Variants in SNRPN observed in about 807,000 individuals in gnomAD.
SNRPN encodes small nuclear ribonucleoprotein-associated protein N.
SNRPN carries 7 observed loss-of-function variants against 25.2 expected under a neutral mutation model. That is an observed-to-expected ratio of 0.28 (90% CI 0.16 to 0.52). The LOEUF is 0.52. SNRPN is among the 20% of genes least tolerant of loss of function. The pLI is 0.96. For missense variants in SNRPN, 196 were observed against 322.5 expected, an observed-to-expected ratio of 0.61 and a Z score of 3.00; for synonymous variants, 124 against 110.6, an observed-to-expected ratio of 1.12 and a Z score of -0.76.
At chr15:24,830,853 A>T (rs1183146395) in intron 2 of SNRPN, among the ~76,000 whole-genome samples, 2 of 152,048 alleles carry the variant, frequency 1.3e-5, no homozygotes, top group Non-Finnish European at 2.9e-5. Flanking sequence ...AATGTGGTGC[A>T]TCTCGATGAG....
upstream of SNRPN, among the ~76,000 whole-genome samples, chr15:24,855,225 G>A (rs1234322531): frequency 1.3e-5 from 2 of 152,144 alleles, no homozygotes; most frequent in Middle Eastern, 6.3e-3. Context: ...TACTATTTAT[G>A]TCAGTATCAG....
intron 2 of SNRPN, among the ~76,000 whole-genome samples, chr15:24,918,863 A>T (rs59172466): frequency 8.0e-6 from 1 of 124,610 alleles, no homozygotes; most frequent in Non-Finnish European, 1.6e-5. Flanking sequence ...ATATATAACA[A>T]TATATATATG....
chr15:24,886,422 A>T (rs1041725104), intron 1 of SNRPN: 1 of 152,198 alleles, frequency 6.6e-6, no homozygotes, highest in Non-Finnish European at 1.5e-5. Flanking sequence ...AGGCCCCATT[A>T]CGGCGGTCCC....
chr15:24,942,652 ATCT>A (rs2061624914), intron 3 of SNRPN, among the ~76,000 whole-genome samples: 1 of 152,246 alleles, frequency 6.6e-6, no homozygotes, highest in East Asian at 1.9e-4. Context: ...CAGAGTAAGC[ATCT>A]GTTCTAGTCA....
chr15:24,953,126 C>G (rs997675375), upstream of SNRPN, among the ~76,000 whole-genome samples: 1 of 152,014 alleles, frequency 6.6e-6, no homozygotes, highest in Non-Finnish European at 1.5e-5. Context: ...AAACAGAATC[C>G]CTTCTTTTGT....
chr15:24,864,598 C>T (rs1362370005), intron 1 of SNRPN, among the ~76,000 whole-genome samples: 1 of 151,986 alleles, frequency 6.6e-6, no homozygotes, highest in Non-Finnish European at 1.5e-5. Flanking sequence ...CCCACCTCAG[C>T]CTCCCAAAGT....
chr15:24,952,254 G>A (rs1181324645), upstream of SNRPN, among the ~76,000 whole-genome samples: 4 of 151,972 alleles, frequency 2.6e-5, no homozygotes, highest in African/African-American at 4.8e-5. Context: ...ATGATGCAAG[G>A]GTTCTGATTA....
At chr15:24,837,551 G>A (rs374780523) in intron 2 of SNRPN, among the ~76,000 whole-genome samples, 50 of 151,428 alleles carry the variant, frequency 3.3e-4, no homozygotes, top group Middle Eastern at 6.8e-3. Context: ...TTGTATTTTT[G>A]GTAGAGACGG....
intron 1 of SNRPN, among the ~76,000 whole-genome samples, chr15:24,827,036 A>G (rs2050139164): frequency 6.6e-6 from 1 of 152,086 alleles, no homozygotes; most frequent in Non-Finnish European, 1.5e-5. Flanking sequence ...ACACACACAT[A>G]CATATATATA....
intron 2 of SNRPN, among the ~76,000 whole-genome samples, chr15:24,899,525 CA>C (rs1373034577): frequency 6.6e-6 from 1 of 152,214 alleles, no homozygotes; most frequent in Non-Finnish European, 1.5e-5. Flanking sequence ...TGCCTTTCTC[CA>C]GCACTATATT....
chr15:24,961,049 ACTTT>A (rs1213135997), intron 1 of SNRPN, among the ~76,000 whole-genome samples: 8 of 151,884 alleles, frequency 5.3e-5, no homozygotes, highest in Non-Finnish European at 8.8e-5. Flanking sequence ...TTATCCTTTC[ACTTT>A]CTTTAGTGTT....
intron 2 of SNRPN, among the ~76,000 whole-genome samples, chr15:24,888,593 T>C (rs12437662): frequency 0.25 from 37,867 of 152,120 alleles, 5,158 homozygotes; most frequent in East Asian, 0.44. Context: ...AAATAGGACC[T>C]TATTTTCCTA....
chr15:24,896,594 G>C (rs555500048), intron 2 of SNRPN, among the ~76,000 whole-genome samples: 1 of 151,982 alleles, frequency 6.6e-6, no homozygotes, highest in Non-Finnish European at 1.5e-5. Flanking sequence ...GGCGCCTGTA[G>C]TTCCAGCTAC....
At chr15:24,930,590 C>CAAAAAAAAAAA (rs67708507) in intron 3 of SNRPN, among the ~76,000 whole-genome samples, 43 of 98,302 alleles carry the variant, frequency 4.4e-4, no homozygotes, top group Middle Eastern at 9.4e-3. Context: ...TACAAAAATA[C>CAAAAAAAAAAA]AAAAAAAAAA....
At chr15:24,910,944 G>C in intron 2 of SNRPN, 1 of 804,412 alleles carries the variant, frequency 1.2e-6, no homozygotes, top group Non-Finnish European at 2.1e-6. Context: ...GCAGAGGAAA[G>C]TGCAGCAGCC....
intron 1 of SNRPN, among the ~76,000 whole-genome samples, chr15:24,882,829 A>AT (rs1035623864): frequency 9.8e-6 from 1 of 102,542 alleles, no homozygotes; most frequent in African/African-American, 3.8e-5. Context: ...ATCTCAAAAA[A>AT]AAAAATATAT....
At chr15:24,956,357 G>GGGT (rs528578846) in intron 1 of SNRPN, among the ~76,000 whole-genome samples, 2 of 151,704 alleles carry the variant, frequency 1.3e-5, no homozygotes, top group African/African-American at 4.8e-5. Context: ...GCTTCAGCGG[G>GGGT]GGGGTGGCCG....
upstream of SNRPN, among the ~76,000 whole-genome samples, chr15:24,953,498 G>T (rs1278711145): frequency 6.6e-6 from 1 of 151,964 alleles, no homozygotes; most frequent in East Asian, 1.9e-4. Flanking sequence ...TAATTTTTCT[G>T]TTTTTTGTAG....
At chr15:24,958,272 CTGTT>C (rs1310435829) in intron 1 of SNRPN, among the ~76,000 whole-genome samples, 3 of 151,992 alleles carry the variant, frequency 2.0e-5, no homozygotes, top group Non-Finnish European at 4.4e-5. Context: ...TCAGCGCCCT[CTGTT>C]TAGCTATTTT....
Sources: allele counts gnomAD v4.1 joint callset (sites outside exome capture counted in the v4.1 genomes callset), GRCh38; gene constraint gnomAD v4.1.1; transcripts MANE v1.5; gene names NCBI Gene and HGNC (gene_info 2026-07-23, HGNC 2026-07-21).